TMEM51: variants seen among roughly 807,000 people sequenced by gnomAD.
TMEM51 encodes the protein transmembrane protein 51.
Under a neutral mutation model 13.6 loss-of-function variants are expected in TMEM51, and 8 were observed. The observed-to-expected ratio is 0.59, with a 90% CI of 0.35 to 1.07. The LOEUF is 1.07. TMEM51 is among the 50% of genes least tolerant of loss of function. TMEM51 has a pLI of 0.02. For synonymous variants in TMEM51, 147 were observed against 144.4 expected, an observed-to-expected ratio of 1.02 and a Z score of -0.13; for missense variants, 279 against 330.7, an observed-to-expected ratio of 0.84 and a Z score of 1.21.
At chr1:15,204,226 C>T (rs1056954491) in intron 1 of TMEM51, among the ~76,000 whole-genome samples, 1 of 152,226 alleles carries the variant, frequency 6.6e-6, no homozygotes, top group African/African-American at 2.4e-5. Flanking sequence ...CCCCAGTCCT[C>T]CCACTCTTCA....
intron 1 of TMEM51, among the ~76,000 whole-genome samples, chr1:15,185,908 C>T (rs1380045786): frequency 6.6e-6 from 1 of 152,284 alleles, no homozygotes; most frequent in East Asian, 1.9e-4. Context: ...TTTAAACGTC[C>T]ACAGAGACCT....
intron 2 of TMEM51, among the ~76,000 whole-genome samples, chr1:15,211,630 T>C (rs1442614143): frequency 6.6e-6 from 1 of 152,108 alleles, no homozygotes; most frequent in Non-Finnish European, 1.5e-5. Flanking sequence ...CACACAGCTG[T>C]GAAGGAATAG....
chr1:15,172,140 G>T (rs1437377100), intron 1 of TMEM51, among the ~76,000 whole-genome samples: 3 of 152,198 alleles, frequency 2.0e-5, no homozygotes, highest in Non-Finnish European at 2.9e-5. Flanking sequence ...ACTTTGGGAG[G>T]CTGAGGCAGG....
intron 1 of TMEM51, among the ~76,000 whole-genome samples, chr1:15,189,626 G>A (rs1643888262): frequency 6.6e-6 from 1 of 152,194 alleles, no homozygotes. Flanking sequence ...GGATGATCTG[G>A]TTTTGAATCT....
intron 1 of TMEM51, among the ~76,000 whole-genome samples, chr1:15,171,811 T>G (rs946598645): frequency 6.6e-6 from 1 of 152,128 alleles, no homozygotes. Context: ...CCGCGGAACC[T>G]CCTCCTTGAA....
intron 1 of TMEM51, among the ~76,000 whole-genome samples, chr1:15,184,774 A>G (rs556139034): frequency 5.3e-5 from 8 of 152,162 alleles, no homozygotes; most frequent in South Asian, 2.1e-4. Flanking sequence ...TTAAAACTCA[A>G]TAGTATAGAG....
intron 3 of TMEM51, among the ~76,000 whole-genome samples, chr1:15,216,238 G>A (rs1644431218): frequency 6.6e-6 from 1 of 152,030 alleles, no homozygotes; most frequent in South Asian, 2.1e-4. Context: ...TTTTCCATTT[G>A]AGCAAAAATG....
intron 1 of TMEM51, among the ~76,000 whole-genome samples, chr1:15,166,766 A>G (rs1323177938): frequency 6.6e-6 from 1 of 152,096 alleles, no homozygotes; most frequent in Non-Finnish European, 1.5e-5. Context: ...TATTTTATAT[A>G]TATGTATGTA....
At chr1:15,169,763 T>C (rs1643171739) in intron 1 of TMEM51, among the ~76,000 whole-genome samples, 1 of 152,330 alleles carries the variant, frequency 6.6e-6, no homozygotes, top group South Asian at 2.1e-4. Flanking sequence ...CATAGAAAGA[T>C]GAGTCTAGTG....
intron 1 of TMEM51, among the ~76,000 whole-genome samples, chr1:15,172,312 A>G (rs1249275023): frequency 7.0e-6 from 1 of 142,458 alleles, no homozygotes; most frequent in Non-Finnish European, 1.5e-5. Flanking sequence ...TGACCCTGGG[A>G]GGTCAAGGCT....
At chr1:15,168,734 C>T (rs1643124808) in intron 1 of TMEM51, 2 of 1,304,358 alleles carry the variant, frequency 1.5e-6, no homozygotes, top group Non-Finnish European at 2.0e-6. Context: ...GAACGTCTCA[C>T]AGAAAGGAGC....
intron 1 of TMEM51, among the ~76,000 whole-genome samples, chr1:15,208,584 G>A: frequency 6.6e-6 from 1 of 152,096 alleles, no homozygotes; most frequent in East Asian, 1.9e-4. Context: ...TGAGCTATGG[G>A]TGACAAAGAA....
chr1:15,201,319 AAT>A (rs886427159), intron 1 of TMEM51, among the ~76,000 whole-genome samples: 14 of 151,794 alleles, frequency 9.2e-5, no homozygotes, highest in Admixed American at 1.3e-4. Context: ...AAGAAAAATA[AAT>A]ATATTAAAAT....
At chr1:15,202,674 C>A (rs548020937) in intron 1 of TMEM51, among the ~76,000 whole-genome samples, 1 of 152,304 alleles carries the variant, frequency 6.6e-6, no homozygotes, top group African/African-American at 2.4e-5. Flanking sequence ...TACTACTCAT[C>A]AAATTGGGCC....
chr1:15,168,533 C>T (rs370248452), intron 1 of TMEM51: 6 of 1,304,802 alleles, frequency 4.6e-6, no homozygotes. Context: ...GCTGGTAGAA[C>T]CACTGATTTA....
rs747569541 is a variant in TMEM51 at position 15,215,353 on chromosome 1, G to T, written c.266G>T (p.Arg89Met). The T allele has an allele frequency of 6.2e-7, 1 of 1,613,602 alleles. No homozygotes were observed. The highest frequency in any genetic ancestry group is 8.5e-7 in the Non-Finnish European group (1 of 1,180,046). ...LSICLSIRDK[R>M]KQRQGEDLAH... Reference sequence around the variant, plus strand: ...ATCTGCCTGAGTATCAGGGATAAGAGGAAGCAGCGGCAGGGCGAGGACCTG... The same window carrying T: ...ATCTGCCTGAGTATCAGGGATAAGATGAAGCAGCGGCAGGGCGAGGACCTG... The change falls in exon 3 of 4, where the codon AGG becomes ATG. Residue 89 changes from arginine (R) to methionine (M), a missense_variant. Transcript: ENST00000376008.
intron 1 of TMEM51, among the ~76,000 whole-genome samples, chr1:15,155,395 G>T (rs886516204): frequency 6.6e-6 from 1 of 152,228 alleles, no homozygotes; most frequent in Non-Finnish European, 1.5e-5. Context: ...ACCTCTCTGA[G>T]CCTCAGCTTC....
intron 1 of TMEM51, among the ~76,000 whole-genome samples, chr1:15,186,428 G>T (rs1643776437): frequency 6.6e-6 from 1 of 152,210 alleles, no homozygotes; most frequent in Admixed American, 6.5e-5. Context: ...ATGGGCATTT[G>T]TGACTAATGG....
chr1:15,163,396 A>G (rs746992838), intron 1 of TMEM51, among the ~76,000 whole-genome samples: 1 of 151,912 alleles, frequency 6.6e-6, no homozygotes, highest in African/African-American at 2.4e-5. Context: ...TTTCAGACCT[A>G]TTACTGCTGC....
Sources: gnomAD v4.1 joint callset for allele counts (sites outside exome capture counted in the v4.1 genomes callset) on GRCh38, gnomAD v4.1.1 for gene constraint, MANE v1.5 for transcripts, NCBI Gene and HGNC (gene_info 2026-07-23, HGNC 2026-07-21) for gene names.